The following CCDC178 variants were observed in gnomAD, a reference collection of about 807,000 sequenced individuals.
The protein encoded by CCDC178 is coiled-coil domain-containing protein 178.
In CCDC178, 126 loss-of-function variants were observed where a neutral mutation model predicts 117.4. The ratio of observed to expected loss-of-function variants is 1.07; its 90% CI spans 0.93 to 1.24. CCDC178 has a LOEUF of 1.24. CCDC178 is among the 50% of genes most tolerant of loss of function. CCDC178 has a pLI of 0.00. For missense variants in CCDC178, 1,030 were observed against 986.9 expected (o/e 1.04, Z -0.59); for synonymous variants, 283 against 313.4 (o/e 0.90, Z 1.02).
At chr18:33,270,576 G>A (rs1194509460) in intron 12 of CCDC178, among the ~76,000 whole-genome samples, 1 of 151,314 alleles carries the variant, frequency 6.6e-6, no homozygotes, top group Non-Finnish European at 1.5e-5. Flanking sequence ...GGAAACAGAA[G>A]TTATATACTA....
At chr18:33,337,413 G>C (rs1244939787) in intron 9 of CCDC178, among the ~76,000 whole-genome samples, 1 of 151,992 alleles carries the variant, frequency 6.6e-6, no homozygotes, top group Non-Finnish European at 1.5e-5. Flanking sequence ...TCTCTTGTCT[G>C]ATTGCTCTGG....
At chr18:33,207,307 A>T (rs766299731) in intron 20 of CCDC178, among the ~76,000 whole-genome samples, 31 of 152,182 alleles carry the variant, frequency 2.0e-4, no homozygotes, top group Admixed American at 6.5e-4. Flanking sequence ...TAGATATTCT[A>T]AATTAAATGT....
Position 33,224,769 on chromosome 18 carries a change from G to A in CCDC178, c.1818+6C>T, listed in dbSNP as rs1369619237. The A allele has an allele frequency of 3.4e-6, 5 of 1,484,860 alleles. No homozygotes were observed. The highest frequency in any genetic ancestry group is 4.5e-6 in the Non-Finnish European group (5 of 1,110,870). The allele number at this position is 1,484,860 out of a possible 1,614,324, so 92.0% of individuals were successfully genotyped here. Reference sequence around the variant, plus strand: ...ACATTAATTTTTGGATTAATTAAATGCTTACAACAGAATGTTCTTTGTCGA... The same window carrying A: ...ACATTAATTTTTGGATTAATTAAATACTTACAACAGAATGTTCTTTGTCGA... On this transcript the variant is annotated splice_donor_region_variant and intron_variant, in intron 17 of 22. Coordinates refer to ENST00000383096, the MANE Select transcript of CCDC178 (RefSeq NM_001105528.4).
At chr18:33,359,081 A>T (rs1007396716) in intron 6 of CCDC178, among the ~76,000 whole-genome samples, 18 of 151,948 alleles carry the variant, frequency 1.2e-4, no homozygotes, top group African/African-American at 4.3e-4. Context: ...TGACAGTTCT[A>T]AGAAGCCATT....
intron 12 of CCDC178, among the ~76,000 whole-genome samples, chr18:33,287,655 C>T (rs1340172352): frequency 6.6e-6 from 1 of 152,056 alleles, no homozygotes; most frequent in Non-Finnish European, 1.5e-5. Context: ...TGGCTCACAC[C>T]TGTAATTCCA....
chr18:33,106,758 G>A (rs375658541), intron 20 of CCDC178, among the ~76,000 whole-genome samples: 2 of 151,640 alleles, frequency 1.3e-5, no homozygotes, highest in Non-Finnish European at 3.0e-5. Context: ...AACTAATCTC[G>A]AGTTCTTAAA....
intron 11 of CCDC178, among the ~76,000 whole-genome samples, chr18:33,309,607 T>C (rs889686570): frequency 2.6e-5 from 4 of 152,164 alleles, no homozygotes; most frequent in Non-Finnish European, 5.9e-5. Flanking sequence ...ATCTATAAAA[T>C]GCCGACATCT....
chr18:33,012,872 G>A (rs1019176188), intron 21 of CCDC178, among the ~76,000 whole-genome samples: 12 of 152,084 alleles, frequency 7.9e-5, no homozygotes, highest in Non-Finnish European at 1.5e-4. Context: ...GCTTATCAAG[G>A]ATGACTTTAA....
At chr18:33,339,294 A>C (rs888174219) in intron 9 of CCDC178, among the ~76,000 whole-genome samples, 4 of 152,056 alleles carry the variant, frequency 2.6e-5, no homozygotes, top group African/African-American at 9.7e-5. Flanking sequence ...TCAATAAAGG[A>C]AGCAAAAGTG....
intron 20 of CCDC178, among the ~76,000 whole-genome samples, chr18:33,093,281 C>G (rs1598875739): frequency 6.6e-6 from 1 of 152,030 alleles, no homozygotes; most frequent in African/African-American, 2.4e-5. Flanking sequence ...GTTTCCTGTC[C>G]TCTTATACTT....
chr18:33,063,740 G>A (rs931454346), intron 21 of CCDC178, among the ~76,000 whole-genome samples: 8 of 152,112 alleles, frequency 5.3e-5, no homozygotes, highest in Non-Finnish European at 1.0e-4. Flanking sequence ...GAATCCCCAG[G>A]CCTGCCACCA....
chr18:33,288,099 T>C (rs1375648747), intron 12 of CCDC178, among the ~76,000 whole-genome samples: 1 of 152,130 alleles, frequency 6.6e-6, no homozygotes, highest in Non-Finnish European at 1.5e-5. Flanking sequence ...TTCTTTTAAA[T>C]TAAGGAAGAT....
chr18:33,031,884 T>C (rs1320789579), intron 21 of CCDC178, among the ~76,000 whole-genome samples: 2 of 152,100 alleles, frequency 1.3e-5, no homozygotes, highest in Non-Finnish European at 2.9e-5. Context: ...TCACACAATA[T>C]ATAGAGCAAT....
At chr18:33,301,615 G>A (rs1021237303) in intron 11 of CCDC178, among the ~76,000 whole-genome samples, 4 of 152,216 alleles carry the variant, frequency 2.6e-5, no homozygotes, top group African/African-American at 9.6e-5. Flanking sequence ...GTGTGTGCTC[G>A]ATGTGGGACA....
intron 21 of CCDC178, among the ~76,000 whole-genome samples, chr18:33,004,854 T>C (rs1350123705): frequency 6.6e-6 from 1 of 152,194 alleles, no homozygotes. Context: ...CAAACAGGTA[T>C]ATGAAAAGGT....
intron 21 of CCDC178, among the ~76,000 whole-genome samples, chr18:33,070,460 A>G (rs2057088895): frequency 6.6e-6 from 1 of 152,098 alleles, no homozygotes; most frequent in African/African-American, 2.4e-5. Flanking sequence ...TGTGGGAGCT[A>G]AAGATATTGT....
intron 11 of CCDC178, among the ~76,000 whole-genome samples, chr18:33,296,947 C>T (rs1032273069): frequency 1.3e-5 from 2 of 152,044 alleles, no homozygotes; most frequent in Non-Finnish European, 2.9e-5. Flanking sequence ...TTGCTTGAAC[C>T]CAGGAGGCAG....
At chr18:33,304,862 G>C (rs1344354696) in intron 11 of CCDC178, among the ~76,000 whole-genome samples, 2 of 152,180 alleles carry the variant, frequency 1.3e-5, no homozygotes, top group African/African-American at 4.8e-5. Flanking sequence ...AAGGAAGGCA[G>C]CGCTCAAGTT....
intron 8 of CCDC178, among the ~76,000 whole-genome samples, chr18:33,347,489 T>C (rs1024954445): frequency 1.3e-5 from 2 of 152,160 alleles, no homozygotes; most frequent in Non-Finnish European, 2.9e-5. Flanking sequence ...TGCATAAATA[T>C]GATTTTCTCT....
Sources: gnomAD v4.1 joint callset for allele counts (sites outside exome capture counted in the v4.1 genomes callset) on GRCh38, gnomAD v4.1.1 for gene constraint, MANE v1.5 for transcripts, NCBI Gene and HGNC (gene_info 2026-07-23, HGNC 2026-07-21) for gene names.